The following CPSF1 variants were observed in gnomAD, a reference collection of about 807,000 sequenced individuals.
The protein encoded by CPSF1 is cleavage and polyadenylation specificity factor subunit 1.
A neutral mutation model predicts 175.8 loss-of-function variants in CPSF1; 106 were observed. That is an observed-to-expected ratio of 0.60 (90% CI 0.52 to 0.71). The LOEUF (loss-of-function observed/expected upper bound fraction) is 0.71, where lower values mean the gene tolerates loss of function less well. Ranked by LOEUF, CPSF1 falls within the 30% of genes least tolerant of loss-of-function variation. CPSF1 has a pLI of 0.00. For missense variants in CPSF1, 1,734 were observed against 2,022.9 expected (o/e 0.86, Z 2.74); for synonymous variants, 1,024 against 858.3 (o/e 1.19, Z -3.37).
In CPSF1 at chr8:144,396,845, T is replaced by A; in HGVS notation, c.2677A>T (p.Lys893Ter). 6.2e-7 allele frequency: 1 copy of A among 1,613,930 alleles called. No homozygotes were observed. The highest frequency in any genetic ancestry group is 1.3e-5 in the African/African-American group (1 of 75,026). Residue 893 changes from lysine (K) to a stop codon, truncating the protein, a stop_gained, in exon 24 of 38, where the codon AAG becomes TAG. Transcript: ENST00000616140. LOFTEE classifies it high-confidence loss of function. ...AGCAGTCCAGCCACTGGCACCTTCTTAAAGCGGACTTTGAGATTGCCCTGG... is the reference window on the plus strand; with the variant it reads ...AGCAGTCCAGCCACTGGCACCTTCTAAAAGCGGACTTTGAGATTGCCCTGG... ...LGQGNLKVRFKKVPHNINFRE... is the reference protein window; with the variant it reads ...LGQGNLKVRF
At chr8:144,397,712 G>T (rs1820857687) in intron 21 of CPSF1, 31 bp downstream of exon 21, 11 of 1,582,782 alleles carry the variant, frequency 6.9e-6, no homozygotes, top group Non-Finnish European at 8.6e-6. Flanking sequence ...AGGGACCCAA[G>T]CCCCTACCTG....
At position 144,397,173 on chromosome 8, in the gene CPSF1, G is replaced by A. The variant is rs554774816; in HGVS notation, c.2592+34C>T. 706 of 1,509,696 alleles carry A rather than the reference G, an allele frequency of 4.7e-4. 3 individuals carry two copies. The highest frequency in any genetic ancestry group is 4.7e-5 in the Non-Finnish European group (53 of 1,125,240). The allele number at this position is 1,509,696 out of a possible 1,614,324, so 93.5% of individuals were successfully genotyped here. The stretch of plus-strand genomic sequence containing the variant: ...GGGGAACGGGCAGGGCCAGGGGGAA[G>A]ATGGGAAGGGGAGGCCAGGCCAGGC... On this transcript the variant is annotated intron_variant, in intron 23 of 37. Coordinates refer to ENST00000616140, the MANE Select transcript of CPSF1 (RefSeq NM_013291.3).
At chr8:144,397,052 A>G (rs1820811521) in intron 23 of CPSF1, 123 bp from the exon 24 acceptor site, 3 of 853,096 alleles carry the variant, frequency 3.5e-6, no homozygotes, top group Middle Eastern at 2.7e-4. Flanking sequence ...CATGTATGGG[A>G]AGGGGCGGGG....
Position 144,394,659 on chromosome 8 carries a change from C to A in CPSF1, c.3552G>T (p.Ser1184=). The stretch of plus-strand genomic sequence containing the variant: ...ACTGGCACACCTTCTGGCCGATGGC[C>A]GACACCAGGTGGCCATTGCAGTGGC... ...ALCHCNGHLV[S]AIGQKIFLWS... The change falls in exon 31 of 38, where the codon TCG becomes TCT. Residue 1184 remains serine, a synonymous_variant. Transcript: ENST00000616140. 2.5e-6 allele frequency: 4 copies of A among 1,608,444 alleles called. No homozygotes were observed. The highest frequency in any genetic ancestry group is 2.5e-6 in the Non-Finnish European group (3 of 1,177,916).
chr8:144,396,147 C>T, intron 26 of CPSF1: 1 of 618,804 alleles, frequency 1.6e-6, no homozygotes, highest in South Asian at 2.1e-5. Flanking sequence ...GGCTGCAGCC[C>T]CAGCTCCCAA....
chr8:144,393,681 G>T lies in CPSF1; in HGVS notation c.4131C>A (p.Asn1377Lys). ...CCGGGGCTCACCGGAAGGCGCGGGG[G>T]TTGAGGCCGGCGTGGTGTGGCAGCA... ...TTMLPHHAGL[N>K]PRAFRMLHVD... The change falls in exon 36 of 38, where the codon AAC becomes AAA. Residue 1377 changes from asparagine to lysine, a missense_variant. By Grantham distance (94) the Asn-to-Lys change is moderately conservative. This residue lies in a region of CPSF1 where 323 missense variants were observed against 338.5 expected (regional missense o/e 0.95). Coordinates refer to ENST00000616140, the MANE Select transcript of CPSF1 (RefSeq NM_013291.3). The T allele has an allele frequency of 1.3e-6, 2 of 1,562,984 alleles. No individual in the cohort carries two copies. Among genetic ancestry groups the T allele is most frequent in the Non-Finnish European group, 8.6e-7 (1 of 1,160,974 alleles).
rs2116874487 is a variant in CPSF1 at position 144,400,320 on chromosome 8, C to T, written c.826+34G>A. On this transcript the variant is annotated intron_variant, in intron 8 of 37. Transcript: ENST00000616140. ...TGGTGGGCAGGCTCAGTGCTCTCTC[C>T]ACACACTCCCCTATCCACTCCCAGG... The T allele has an allele frequency of 7.4e-6, 12 of 1,613,094 alleles. No homozygotes were observed. In the African/African-American group the frequency reaches 1.5e-4, roughly 20 times the overall value.
chr8:144,397,081 G>A lies in CPSF1; in HGVS notation c.2592+126C>T, dbSNP rs1378750123. 6.9e-6 allele frequency: 7 copies of A among 1,013,858 alleles called. No individual in the cohort carries two copies. The East Asian group carries it at 1.6e-4, about 23-fold the overall frequency. 62.8% of individuals were successfully genotyped at this position (1,013,858 alleles called of 1,614,324 possible). ...GGCGGGGCTGTGAGGGAGATGGGGTGGAGCCACGGGAAGGGGCGGGGCCGT... is the reference window on the plus strand; with the variant it reads ...GGCGGGGCTGTGAGGGAGATGGGGTAGAGCCACGGGAAGGGGCGGGGCCGT... On this transcript the variant is annotated intron_variant, in intron 23 of 37. Coordinates refer to ENST00000616140, the MANE Select transcript of CPSF1 (RefSeq NM_013291.3).
intron 23 of CPSF1, 53 bp downstream of exon 23, chr8:144,397,154 C>A (rs1467599206): frequency 4.1e-6 from 6 of 1,468,096 alleles, no homozygotes; most frequent in East Asian, 5.0e-5. Context: ...TGTGGGGGAA[C>A]GGGCAGGGCC....
rs2116913144 is a variant in CPSF1 at position 144,409,102 on chromosome 8, G to A, written c.57C>T (p.Tyr19=). Residue 19 remains tyrosine, a synonymous_variant, in exon 2 of 38, where the codon TAC becomes TAT. Transcript: ENST00000616140. ...GCTCGCTGTTGTTGAAGAAGTTGCA[G>A]TACATGGAGAACTCCAGACCGGTGG... The part of the protein sequence containing the change: ...HPPTGLEFSM[Y]CNFFNNSERN... 1 of 1,613,896 alleles carries A rather than the reference G, an allele frequency of 6.2e-7. No homozygotes were observed. Among genetic ancestry groups the A allele is most frequent in the South Asian group, 1.1e-5 (1 of 91,088 alleles).
chr8:144,398,488 CAGCCCCA>C (rs1554864985), intron 18 of CPSF1, 30 bp downstream of exon 18: 1 of 1,391,230 alleles, frequency 7.2e-7, no homozygotes, highest in African/African-American at 1.4e-5. Context: ...CAGGGGACCC[CAGCCCCA>C]GGTCCCAGGT....
In CPSF1 at chr8:144,399,225, G is replaced by GGCCC. The variant is rs1425930724; in HGVS notation, c.1393-27_1393-24dup. ...CACCTGCGGCACAGCAAGAGTCAGG[G>GGCCC]GCCCGCTGGGGGCGCTGGCTGGGAC... On this transcript the variant is annotated intron_variant, in intron 14 of 37. Transcript: ENST00000616140. The surrounding 1 kb of genome is among the most constrained non-coding windows in gnomAD (Gnocchi z 6.4). The GGCCC allele has an allele frequency of 6.8e-6, 11 of 1,611,476 alleles. No individual in the cohort carries two copies. Among genetic ancestry groups the GGCCC allele is most frequent in the Non-Finnish European group, 8.5e-6 (10 of 1,179,530 alleles).
In CPSF1 at chr8:144,398,528, G is replaced by A; in HGVS notation, c.1749C>T (p.Thr583=). 1.9e-6 allele frequency: 3 copies of A among 1,613,646 alleles called. No individual in the cohort carries two copies. In the South Asian group the frequency reaches 3.3e-5, roughly 18 times the overall value. ...GGTCCCAGGCCCTGCCCCTCACCAT[G>A]GTGGAGTCTTCCCGGCTCAGAATCA... ...GFLILSREDS[T]MILQTGQEIM... is the part of the protein sequence containing the mutation. Residue 583 remains threonine, a synonymous_variant, in exon 18 of 38, where the codon ACC becomes ACT. Coordinates refer to ENST00000616140, the MANE Select transcript of CPSF1 (RefSeq NM_013291.3).
Position 144,400,135 on chromosome 8 carries a change from G to GCCCCCC in CPSF1, c.937+25_937+30dup. On this transcript the variant is annotated intron_variant, in intron 9 of 37. Coordinates refer to ENST00000616140, the MANE Select transcript of CPSF1 (RefSeq NM_013291.3). ...CTAGGCAGGCCCAAGCCGTCCCCGG[G>GCCCCCC]CCCCCCCCGCCCCAGCCACCCCACA... The GCCCCCC allele has an allele frequency of 3.3e-4, 295 of 895,136 alleles. 1 individual carries two copies. Among genetic ancestry groups the GCCCCCC allele is most frequent in the Middle Eastern group, 2.6e-3 (7 of 2,656 alleles). 55.4% of individuals were successfully genotyped at this position (895,136 alleles called of 1,614,324 possible).
At chr8:144,397,705 G>A in intron 21 of CPSF1, 38 bp downstream of exon 21, 1 of 1,575,150 alleles carries the variant, frequency 6.3e-7, no homozygotes, top group Non-Finnish European at 8.7e-7. Context: ...CAGCCCCAGG[G>A]ACCCAAGCCC....
At chr8:144,400,128 TCCCCGG>T in intron 9 of CPSF1, 32 bp downstream of exon 9, 9 of 909,844 alleles carry the variant, frequency 9.9e-6, no homozygotes, top group African/African-American at 3.2e-5. Flanking sequence ...GCCCAAGCCG[TCCCCGG>T]GCCCCCCCCG....
At position 144,400,181 on chromosome 8, in the gene CPSF1, T is replaced by C. The variant is rs1554866123; in HGVS notation, c.922A>G (p.Thr308Ala). The C allele has an allele frequency of 7.8e-7, 1 of 1,278,580 alleles. No individual in the cohort carries two copies. Among genetic ancestry groups the C allele is most frequent in the South Asian group, 1.2e-5 (1 of 81,218 alleles). 79.2% of individuals were successfully genotyped at this position (1,278,580 alleles called of 1,614,324 possible). The change falls in exon 9 of 38, where the codon ACG becomes GCG. Residue 308 changes from threonine to alanine, a missense_variant. By Grantham distance (58) the Thr-to-Ala change is moderately conservative. This residue lies in a region of CPSF1 where 61 missense variants were observed against 104.0 expected (regional missense o/e 0.59). Transcript: ENST00000616140. ...VALNSLTTGT[T>A]AFPLRTQEGV... ...CCACACTCACGAAGCGGGAAAGCCG[T>C]GGTTCCTGTGGTGAGGCTGTTGAGA...
chr8:144,402,811 G>A (rs1443705442), intron 2 of CPSF1, among the ~76,000 whole-genome samples: 1 of 152,072 alleles, frequency 6.6e-6, no homozygotes, highest in East Asian at 1.9e-4. Flanking sequence ...GGCACCGCAG[G>A]TGGCTCAGGC....
intron 23 of CPSF1, 135 bp downstream of exon 23, chr8:144,397,070 GGA>G (rs1349676095): frequency 1.0e-6 from 1 of 956,510 alleles, no homozygotes; most frequent in East Asian, 2.6e-5. Context: ...GGGCTGTGAG[GGA>G]GATGGGGTGG....
Sources: allele counts gnomAD v4.1 joint callset (sites outside exome capture counted in the v4.1 genomes callset), GRCh38; gene constraint gnomAD v4.1.1; regional missense constraint gnomAD v4.1.1; non-coding constraint Gnocchi (gnomAD v3.1); transcripts MANE v1.5; gene names NCBI Gene and HGNC (gene_info 2026-07-23, HGNC 2026-07-21).